Variants in MAF observed in about 807,000 individuals in gnomAD.
MAF encodes transcription factor Maf.
MAF carries 10 observed loss-of-function variants against 22.0 expected under a neutral mutation model. The observed-to-expected ratio is 0.45, with a 90% CI of 0.28 to 0.77. The LOEUF (loss-of-function observed/expected upper bound fraction) is 0.77. Ranked by LOEUF, MAF falls within the 30% of genes least tolerant of loss-of-function variation. The pLI is 0.12. For synonymous variants in MAF, 337 were observed against 255.8 expected (o/e 1.32, Z -3.03); for missense variants, 544 against 548.4 (o/e 0.99, Z 0.08).
At chr16:79,539,753 T>C in the MAF span, among the ~76,000 whole-genome samples, 18 of 152,214 alleles carry the variant, frequency 1.2e-4, no homozygotes, top group Non-Finnish European at 2.5e-4. Context: ...TAATTACACA[T>C]AGCCTAGTGC....
At chr16:79,374,512 C>T in the MAF span, among the ~76,000 whole-genome samples, 1 of 152,162 alleles carries the variant, frequency 6.6e-6, no homozygotes, top group South Asian at 2.1e-4. Flanking sequence ...GCAAGAACCC[C>T]TTTTTTGTAT....
At chr16:79,308,611 C>T in the MAF span, among the ~76,000 whole-genome samples, 9 of 152,270 alleles carry the variant, frequency 5.9e-5, no homozygotes, top group Non-Finnish European at 8.8e-5. Context: ...GCATCTTGTC[C>T]GTCAACATCT....
chr16:79,315,893 G>GCTC, the MAF span, among the ~76,000 whole-genome samples: 8 of 152,188 alleles, frequency 5.3e-5, no homozygotes, highest in African/African-American at 1.9e-4. Context: ...CATGCCTGGT[G>GCTC]CTCCCATCAA....
At chr16:79,494,636 A>T in the MAF span, among the ~76,000 whole-genome samples, 1 of 152,162 alleles carries the variant, frequency 6.6e-6, no homozygotes, top group Non-Finnish European at 1.5e-5. Context: ...TCCACATAGT[A>T]CTCACACCAC....
chr16:79,329,485 G>C, the MAF span, among the ~76,000 whole-genome samples: 1 of 152,078 alleles, frequency 6.6e-6, no homozygotes, highest in East Asian at 1.9e-4. Flanking sequence ...AAATGCAAGA[G>C]GGAAATTGTT....
At chr16:79,548,944 C>T in the MAF span, among the ~76,000 whole-genome samples, 3 of 152,172 alleles carry the variant, frequency 2.0e-5, no homozygotes, top group African/African-American at 4.8e-5. Context: ...TTATTCTGTG[C>T]ACCTCTGGGA....
chr16:79,226,310 A>G, the MAF span, among the ~76,000 whole-genome samples: 5 of 152,182 alleles, frequency 3.3e-5, no homozygotes, highest in Non-Finnish European at 7.3e-5. Context: ...GTTCTGACTC[A>G]TAAGTGGGAG....
the MAF span, among the ~76,000 whole-genome samples, chr16:79,361,362 C>T: frequency 6.6e-6 from 1 of 152,168 alleles, no homozygotes; most frequent in African/African-American, 2.4e-5. Flanking sequence ...ACAAGCTGCA[C>T]CTGTGAAGCA....
At chr16:79,253,866 G>A in the MAF span, among the ~76,000 whole-genome samples, 2 of 151,888 alleles carry the variant, frequency 1.3e-5, no homozygotes, top group Non-Finnish European at 1.5e-5. Flanking sequence ...GAATCCTAGG[G>A]GTTCTTTTCC....
the MAF span, among the ~76,000 whole-genome samples, chr16:79,483,491 C>T: frequency 6.6e-6 from 1 of 150,932 alleles, no homozygotes; most frequent in African/African-American, 2.4e-5. Context: ...GGAGGGGAAG[C>T]AATGTTAAAT....
At chr16:79,281,995 G>C in the MAF span, among the ~76,000 whole-genome samples, 1 of 152,068 alleles carries the variant, frequency 6.6e-6, no homozygotes, top group African/African-American at 2.4e-5. Context: ...CCTGGTGTCT[G>C]GGTCTTGAAG....
chr16:79,334,962 A>G, the MAF span, among the ~76,000 whole-genome samples: 97 of 151,834 alleles, frequency 6.4e-4, no homozygotes, highest in Admixed American at 2.2e-3. Context: ...TGAGGCGGGC[A>G]GATCACCAGG....
the MAF span, among the ~76,000 whole-genome samples, chr16:79,313,292 G>C: frequency 6.6e-6 from 1 of 152,092 alleles, no homozygotes; most frequent in Non-Finnish European, 1.5e-5. Context: ...CAGCAGAAGG[G>C]GGAAGAAAAA....
At chr16:79,398,217 C>G in the MAF span, among the ~76,000 whole-genome samples, 3 of 152,286 alleles carry the variant, frequency 2.0e-5, no homozygotes, top group Admixed American at 1.3e-4. Flanking sequence ...TTTGACCCTC[C>G]TGCCACTTTC....
At chr16:79,468,614 G>C in the MAF span, among the ~76,000 whole-genome samples, 10 of 152,192 alleles carry the variant, frequency 6.6e-5, no homozygotes, top group Middle Eastern at 3.2e-3. Context: ...CTCAGCCCCA[G>C]CTCACCCTGG....
chr16:79,533,565 A>T, the MAF span, among the ~76,000 whole-genome samples: 1 of 152,140 alleles, frequency 6.6e-6, no homozygotes, highest in African/African-American at 2.4e-5. Context: ...GGGGGAATGG[A>T]AAGTATGACA....
At chr16:79,211,680 A>AACAACTGCTGCCGCTGC in the MAF span, 1 of 1,614,158 alleles carries the variant, frequency 6.2e-7, no homozygotes. Flanking sequence ...GATGTACTTC[A>AACAACTGCTGCCGCTGC]ACAACTGCTG....
At chr16:79,362,603 G>A in the MAF span, among the ~76,000 whole-genome samples, 1 of 152,220 alleles carries the variant, frequency 6.6e-6, no homozygotes, top group Admixed American at 6.5e-5. Context: ...GCAGGTTGCT[G>A]CAGTGAAAAC....
At chr16:79,598,740 G>A in intron 1 of MAF, 45 bp downstream of exon 1, 2 of 1,612,836 alleles carry the variant, frequency 1.2e-6, no homozygotes, top group Non-Finnish European at 1.7e-6. Context: ...GACCCCCGCG[G>A]AGCACTTATC....
Sources: gnomAD v4.1 joint callset for allele counts (sites outside exome capture counted in the v4.1 genomes callset) on GRCh38, gnomAD v4.1.1 for gene constraint, MANE v1.5 for transcripts, NCBI Gene and HGNC (gene_info 2026-07-23, HGNC 2026-07-21) for gene names.